PRKCH: variants seen among roughly 807,000 people sequenced by gnomAD.
PRKCH encodes the protein protein kinase C eta type.
In PRKCH, 28 loss-of-function variants were observed where a neutral mutation model predicts 82.5. The ratio of observed to expected loss-of-function variants is 0.34; its 90% CI spans 0.25 to 0.47. PRKCH has a LOEUF of 0.47. Ranked by LOEUF, PRKCH falls within the 20% of genes least tolerant of loss-of-function variation. The probability of loss-of-function intolerance (pLI) is 1.00; values close to 1 mark genes in which losing one functional copy is unlikely to be tolerated. For synonymous variants in PRKCH, 322 were observed against 327.4 expected (o/e 0.98, Z 0.18); for missense variants, 705 against 881.8 (o/e 0.80, Z 2.54).
chr14:61,403,822 A>AT (rs1881796246), intron 2 of PRKCH, among the ~76,000 whole-genome samples: 2 of 152,104 alleles, frequency 1.3e-5, no homozygotes. Flanking sequence ...TCGTTTGTTA[A>AT]TTTTTTTCAA....
chr14:61,189,502 A>ATCTC (rs34112120), intron 1 of PRKCH, among the ~76,000 whole-genome samples: 5,003 of 147,056 alleles, frequency 0.034, 276 homozygotes, highest in African/African-American at 0.11. Context: ...CTGAAATGTT[A>ATCTC]TCTCTCTCTC....
chr14:61,210,790 CTGTGTGTG>C (rs1014835104), intron 1 of PRKCH, among the ~76,000 whole-genome samples: 7 of 138,986 alleles, frequency 5.0e-5, no homozygotes, highest in African/African-American at 2.0e-4. Context: ...CTCTCTCTCT[CTGTGTGTG>C]TGTGTGTGTG....
intron 1 of PRKCH, among the ~76,000 whole-genome samples, chr14:61,273,553 G>C (rs1424306750): frequency 2.0e-5 from 3 of 152,148 alleles, no homozygotes; most frequent in Admixed American, 2.0e-4. Flanking sequence ...GAAATACATT[G>C]ATTACTTTTG....
chr14:61,450,138 G>A (rs1419370261), intron 5 of PRKCH, among the ~76,000 whole-genome samples: 1 of 152,152 alleles, frequency 6.6e-6, no homozygotes, highest in Non-Finnish European at 1.5e-5. Context: ...ATAAACCACA[G>A]CTTTTCCAAG....
intron 2 of PRKCH, among the ~76,000 whole-genome samples, chr14:61,397,881 C>A (rs1773007900): frequency 6.6e-6 from 1 of 152,144 alleles, no homozygotes; most frequent in Non-Finnish European, 1.5e-5. Context: ...CTACTCAAAA[C>A]CTGCAGTGAG....
intron 1 of PRKCH, among the ~76,000 whole-genome samples, chr14:61,257,782 T>C (rs1300841111): frequency 1.3e-5 from 2 of 152,132 alleles, no homozygotes; most frequent in African/African-American, 2.4e-5. Flanking sequence ...CAGCTATATT[T>C]AGTACCACAA....
At chr14:61,225,541 C>T (rs545410872) in intron 1 of PRKCH, among the ~76,000 whole-genome samples, 19 of 152,296 alleles carry the variant, frequency 1.2e-4, no homozygotes, top group South Asian at 2.1e-4. Context: ...TCACAGGCCA[C>T]GCAGCATGGA....
chr14:61,197,895 T>C (rs979072800), intron 1 of PRKCH, among the ~76,000 whole-genome samples: 3 of 152,204 alleles, frequency 2.0e-5, no homozygotes, highest in African/African-American at 7.2e-5. Context: ...CTGTAGATAA[T>C]TCTCATATAT....
chr14:61,344,868 T>A (rs1268436134), intron 1 of PRKCH, among the ~76,000 whole-genome samples: 1 of 152,128 alleles, frequency 6.6e-6, no homozygotes, highest in Non-Finnish European at 1.5e-5. Context: ...ACAAAAGATT[T>A]ATTTATTTTT....
At chr14:61,541,032 C>G (rs2043177530) in intron 12 of PRKCH, among the ~76,000 whole-genome samples, 1 of 152,252 alleles carries the variant, frequency 6.6e-6, no homozygotes, top group African/African-American at 2.4e-5. Context: ...AAATGTCTGT[C>G]ACTGCCTTCT....
chr14:61,540,355 G>C (rs570802474), intron 12 of PRKCH, among the ~76,000 whole-genome samples: 1 of 152,224 alleles, frequency 6.6e-6, no homozygotes, highest in African/African-American at 2.4e-5. Context: ...AGTAAACTGT[G>C]TAATGATTCT....
At chr14:61,344,766 A>G (rs1237897381) in intron 1 of PRKCH, among the ~76,000 whole-genome samples, 1 of 152,120 alleles carries the variant, frequency 6.6e-6, no homozygotes, top group South Asian at 2.1e-4. Context: ...TGCTATTTCT[A>G]GAAGTTCCTC....
At chr14:61,388,654 T>C (rs955098066) in intron 1 of PRKCH, among the ~76,000 whole-genome samples, 1 of 152,162 alleles carries the variant, frequency 6.6e-6, no homozygotes, top group Non-Finnish European at 1.5e-5. Flanking sequence ...TTAAAAATAA[T>C]GTATTTTTGA....
chr14:61,320,883 G>A (rs1411361218), upstream of PRKCH, among the ~76,000 whole-genome samples: 1 of 152,200 alleles, frequency 6.6e-6, no homozygotes, highest in Non-Finnish European at 1.5e-5. Flanking sequence ...TTGCCGCGCA[G>A]AGCTGGGTGG....
At chr14:61,302,199 T>C (rs2045452821) in intron 1 of PRKCH, among the ~76,000 whole-genome samples, 1 of 152,238 alleles carries the variant, frequency 6.6e-6, no homozygotes, top group Admixed American at 6.5e-5. Flanking sequence ...AATAACTATG[T>C]GATCTGTGGC....
At chr14:61,529,314 G>A in intron 11 of PRKCH, 101 bp downstream of exon 11, 3 of 1,410,504 alleles carry the variant, frequency 2.1e-6, no homozygotes, top group East Asian at 2.4e-5. Flanking sequence ...TTTGGAGGCA[G>A]CATTGAAAGG....
At chr14:61,401,803 T>C (rs993305106) in intron 2 of PRKCH, among the ~76,000 whole-genome samples, 8 of 152,380 alleles carry the variant, frequency 5.3e-5, no homozygotes, top group Admixed American at 5.2e-4. Context: ...AATACTGTTG[T>C]GTCTCAAGGA....
At chr14:61,201,533 G>C (rs367575245) in intron 1 of PRKCH, among the ~76,000 whole-genome samples, 3 of 152,102 alleles carry the variant, frequency 2.0e-5, no homozygotes, top group Admixed American at 6.5e-5. Context: ...AATAACAAGA[G>C]AATATAAACA....
chr14:61,474,237 T>G (rs1262394238), intron 9 of PRKCH, among the ~76,000 whole-genome samples: 1 of 152,194 alleles, frequency 6.6e-6, no homozygotes, highest in Non-Finnish European at 1.5e-5. Context: ...TGCTCATTTT[T>G]GGGGTTTTAA....
Sources: allele counts gnomAD v4.1 joint callset (sites outside exome capture counted in the v4.1 genomes callset), GRCh38; gene constraint gnomAD v4.1.1; transcripts MANE v1.5; gene names NCBI Gene and HGNC (gene_info 2026-07-23, HGNC 2026-07-21).